The following C3orf18 variants were observed in gnomAD, a reference collection of about 807,000 sequenced individuals.
C3orf18 encodes chromosome 3 open reading frame 18, also known as uncharacterized protein C3orf18.
A neutral mutation model predicts 14.1 loss-of-function variants in C3orf18; 12 were observed. The observed-to-expected ratio is 0.85, with a 90% confidence interval of 0.55 to 1.38. The LOEUF is 1.38. Ranked by LOEUF, C3orf18 falls within the 40% of genes most tolerant of loss-of-function variation. C3orf18 has a pLI of 0.00. For synonymous variants in C3orf18, 82 were observed against 87.9 expected, an observed-to-expected ratio of 0.93 and a Z score of 0.38; for missense variants, 196 against 213.9, an observed-to-expected ratio of 0.92 and a Z score of 0.52.
upstream of C3orf18, chr3:50,569,561 A>C (rs996899823): frequency 6.6e-6 from 1 of 152,050 alleles, no homozygotes; most frequent in South Asian, 2.1e-4. Flanking sequence ...TGGGTGGGGC[A>C]GCCTTTCAGG....
At chr3:50,568,270 A>G (rs971278751), upstream of C3orf18, among the ~76,000 whole-genome samples, 1 of 152,180 alleles carries the variant, frequency 6.6e-6, no homozygotes, top group African/African-American at 2.4e-5. Flanking sequence ...TACCCTCACA[A>G]TAGCTTCCAT....
chr3:50,570,920 C>G (rs1241826650), upstream of C3orf18: 2 of 490,834 alleles, frequency 4.1e-6, no homozygotes, highest in Non-Finnish European at 7.2e-6. Context: ...CCTGGTTCCT[C>G]TCACTCCCAG....
chr3:50,570,325 T>C (rs1200547152), upstream of C3orf18: 1 of 152,246 alleles, frequency 6.6e-6, no homozygotes, highest in African/African-American at 2.4e-5. Flanking sequence ...TCTTTAAATA[T>C]ACAATTGTAA....
chr3:50,568,414 G>A (rs1364160553), upstream of C3orf18, among the ~76,000 whole-genome samples: 1 of 152,090 alleles, frequency 6.6e-6, no homozygotes, highest in Non-Finnish European at 1.5e-5. Context: ...TGGGAAGGAG[G>A]CAGGGAAACA....
chr3:50,565,673 C>G lies in C3orf18; in HGVS notation c.27G>C (p.Arg9Ser). 1 of 1,612,162 alleles carries G rather than the reference C, an allele frequency of 6.2e-7. No individual in the cohort carries two copies. Among genetic ancestry groups the G allele is most frequent in the Non-Finnish European group, 8.5e-7 (1 of 1,179,918 alleles). The change falls in exon 3 of 6, where the codon AGG becomes AGC. Residue 9 changes from arginine (R) to serine (S), a missense_variant. Transcript: ENST00000357203. The surrounding 1 kb of genome is among the most constrained non-coding windows in gnomAD (Gnocchi z 4.4). MNSRTASARGWFSSRPPTS... is the reference protein window; with the variant it reads MNSRTASASGWFSSRPPTS... Reference sequence around the variant, plus strand: ...TGGGTGGGCGGCTGCTGAACCAGCCCCTAGCAGATGCGGTCCTGGAGTTCA... The same window carrying G: ...TGGGTGGGCGGCTGCTGAACCAGCCGCTAGCAGATGCGGTCCTGGAGTTCA...
At chr3:50,562,332 G>A (rs1700032245) in intron 3 of C3orf18, 1 of 373,994 alleles carries the variant, frequency 2.7e-6, no homozygotes, top group South Asian at 2.0e-5. Flanking sequence ...TATTGGCTGG[G>A]CTGCCAATAC....
chr3:50,568,071 G>T (rs2107322474), upstream of C3orf18, among the ~76,000 whole-genome samples: 1 of 152,338 alleles, frequency 6.6e-6, no homozygotes, highest in South Asian at 2.1e-4. Flanking sequence ...GAGTCCTTGG[G>T]CCTGCACTGA....
intron 3 of C3orf18, among the ~76,000 whole-genome samples, chr3:50,564,788 G>A (rs1318829119): frequency 6.6e-6 from 1 of 152,208 alleles, no homozygotes; most frequent in East Asian, 1.9e-4. Flanking sequence ...TGCAGCCCAC[G>A]GTCCACATCA....
chr3:50,566,563 G>C (rs924672085), intron 1 of C3orf18, among the ~76,000 whole-genome samples: 1 of 152,120 alleles, frequency 6.6e-6, no homozygotes, highest in African/African-American at 2.4e-5. Flanking sequence ...GGAGCCAAGG[G>C]AGCCCCTGGA....
chr3:50,571,586 G>GCAGGATGCCGGTGCAGTACATCCTT, upstream of C3orf18: 1 of 926,614 alleles, frequency 1.1e-6, no homozygotes, highest in Non-Finnish European at 1.8e-6. Flanking sequence ...TGCCCCCTCT[G>GCAGGATGCCGGTGCAGTACATCCTT]GGCCCAGATG....
upstream of C3orf18, chr3:50,571,856 C>T (rs923307694): frequency 6.5e-7 from 1 of 1,537,340 alleles, no homozygotes; most frequent in East Asian, 2.2e-5. Flanking sequence ...GCAGTCCAGC[C>T]TCCCCTATCC....
chr3:50,571,902 C>T (rs1701009209), upstream of C3orf18: 10 of 1,350,614 alleles, frequency 7.4e-6, no homozygotes, highest in Non-Finnish European at 9.4e-6. Context: ...TGTCCAAGGA[C>T]TAGGGAGGTG....
At chr3:50,561,131 C>T in intron 4 of C3orf18, 67 bp from the exon 5 acceptor site, 1 of 1,534,226 alleles carries the variant, frequency 6.5e-7, no homozygotes, top group Non-Finnish European at 8.9e-7. Context: ...CCCTCCAGGC[C>T]CTGCCTCCTG....
chr3:50,568,921 G>A (rs894392133), upstream of C3orf18, among the ~76,000 whole-genome samples: 4 of 152,134 alleles, frequency 2.6e-5, no homozygotes, highest in Non-Finnish European at 5.9e-5. Context: ...GATTCGAATC[G>A]GTAAAAGAGC....
upstream of C3orf18, chr3:50,571,775 G>C (rs1700993132): frequency 1.2e-6 from 2 of 1,614,166 alleles, no homozygotes; most frequent in Non-Finnish European, 1.7e-6. Context: ...AGTGTATCCG[G>C]GAGCTGAGTA....
chr3:50,574,164 G>A (rs1038903579), upstream of C3orf18, among the ~76,000 whole-genome samples: 6 of 152,174 alleles, frequency 3.9e-5, no homozygotes, highest in South Asian at 2.1e-4. Context: ...TCCCGCATGC[G>A]TCTGTGCCCC....
upstream of C3orf18, among the ~76,000 whole-genome samples, chr3:50,574,162 G>A (rs967102917): frequency 1.3e-5 from 2 of 152,192 alleles, no homozygotes; most frequent in Non-Finnish European, 2.9e-5. Context: ...TTTCCCGCAT[G>A]CGTCTGTGCC....
chr3:50,559,606 G>A lies in C3orf18; in HGVS notation c.*51C>T. ...TGACAATCAGGGAGTGGGGAGCTCT[G>A]TAGGCACCGTGATGGGTCTCTATCA... is the stretch of plus-strand genomic sequence containing the variant. On this transcript the variant is annotated 3_prime_UTR_variant, in exon 6 of 6. Transcript: ENST00000357203. 1 of 1,497,790 alleles carries A rather than the reference G, an allele frequency of 6.7e-7. No individual in the cohort carries two copies. Among genetic ancestry groups the A allele is most frequent in the Non-Finnish European group, 9.0e-7 (1 of 1,116,454 alleles). 92.8% of individuals were successfully genotyped at this position (1,497,790 alleles called of 1,614,324 possible).
Position 50,565,288 on chromosome 3 carries a change from G to C in C3orf18, c.234+178C>G. 1.7e-6 allele frequency: 1 copy of C among 593,182 alleles called. No homozygotes were observed. Among genetic ancestry groups the C allele is most frequent in the Non-Finnish European group, 3.0e-6 (1 of 333,606 alleles). The allele number at this position is 593,182 out of a possible 1,614,324, so 36.7% of individuals were successfully genotyped here. A position where few individuals can be genotyped will look rare whatever the true frequency, so the allele number is the denominator to read the frequency against. ...AGGCTGAGGCAGGAGACTCGATTAA[G>C]CCCCAGAGGTGGAGGTTGCAGTGAG... On this transcript the variant is annotated intron_variant, in intron 3 of 5. Transcript: ENST00000357203. The surrounding 1 kb of genome is among the most constrained non-coding windows in gnomAD (Gnocchi z 4.4).
Sources: gnomAD v4.1 joint callset for allele counts (sites outside exome capture counted in the v4.1 genomes callset) on GRCh38, gnomAD v4.1.1 for gene constraint, Gnocchi (gnomAD v3.1) non-coding constraint, MANE v1.5 for transcripts, NCBI Gene and HGNC (gene_info 2026-07-23, HGNC 2026-07-21) for gene names.